SVOPL: variants seen among roughly 807,000 people sequenced by gnomAD.
The protein encoded by SVOPL is SVOP like, also known as putative transporter SVOPL.
SVOPL carries 60 observed loss-of-function variants against 61.0 expected under a neutral mutation model. The observed-to-expected ratio is 0.98, with a 90% CI of 0.80 to 1.22. The LOEUF is 1.22. Among genes scored for constraint, SVOPL ranks in the 50% most tolerant of loss-of-function variants. The probability of loss-of-function intolerance (pLI) is 0.00; values close to 1 mark genes in which losing one functional copy is unlikely to be tolerated. For synonymous variants in SVOPL, 279 were observed against 250.0 expected, an observed-to-expected ratio of 1.12 and a Z score of -1.09; for missense variants, 662 against 643.9, an observed-to-expected ratio of 1.03 and a Z score of -0.30.
At chr7:138,640,038 G>C (rs1164211958) in intron 9 of SVOPL, among the ~76,000 whole-genome samples, 1 of 151,882 alleles carries the variant, frequency 6.6e-6, no homozygotes, top group Non-Finnish European at 1.5e-5. Context: ...TTACAGGCCT[G>C]AGCTATCTCA....
At chr7:138,668,132 G>C (rs749170457) in intron 4 of SVOPL, among the ~76,000 whole-genome samples, 1 of 152,024 alleles carries the variant, frequency 6.6e-6, no homozygotes, top group African/African-American at 2.4e-5. Context: ...ATCTGATCTT[G>C]TGGCACCCAC....
At chr7:138,680,370 A>G (rs1802671962) in intron 1 of SVOPL, among the ~76,000 whole-genome samples, 1 of 152,108 alleles carries the variant, frequency 6.6e-6, no homozygotes, top group South Asian at 2.1e-4. Context: ...GCAGGTCCCA[A>G]ACTCCTGACC....
intron 1 of SVOPL, among the ~76,000 whole-genome samples, chr7:138,693,557 G>GAA (rs1457346540): frequency 1.0e-5 from 1 of 98,002 alleles, no homozygotes; most frequent in Non-Finnish European, 2.0e-5. Flanking sequence ...AAGAAAGAAA[G>GAA]AAAGAAAGAA....
chr7:138,636,136 G>C (rs1800458345), intron 9 of SVOPL, among the ~76,000 whole-genome samples: 1 of 151,884 alleles, frequency 6.6e-6, no homozygotes, highest in Non-Finnish European at 1.5e-5. Context: ...CACCATGTTG[G>C]TCAGGCTGGT....
intron 9 of SVOPL, among the ~76,000 whole-genome samples, chr7:138,633,728 A>C (rs1287089994): frequency 6.6e-6 from 1 of 152,216 alleles, no homozygotes; most frequent in Non-Finnish European, 1.5e-5. Context: ...TACCTTACCA[A>C]AATACAATGA....
chr7:138,697,871 C>T (rs1050051011), intron 1 of SVOPL, among the ~76,000 whole-genome samples: 1 of 151,718 alleles, frequency 6.6e-6, no homozygotes, highest in African/African-American at 2.4e-5. Context: ...GATTCACAGG[C>T]AAATTGTAGG....
intron 14 of SVOPL, among the ~76,000 whole-genome samples, chr7:138,611,849 G>A (rs1584779116): frequency 5.4e-5 from 4 of 74,558 alleles, no homozygotes; most frequent in East Asian, 4.1e-4. Context: ...CTCCCAAAGT[G>A]CCGAGATTGC....
intron 15 of SVOPL, 143 bp from the exon 16 acceptor site, chr7:138,594,764 T>C: frequency 1.8e-6 from 1 of 544,460 alleles, no homozygotes; most frequent in South Asian, 3.7e-5. Context: ...TACCTTTGTG[T>C]ATCTGAAGAT....
At chr7:138,625,279 T>C (rs1244457386) in intron 13 of SVOPL, 1 of 152,216 alleles carries the variant, frequency 6.6e-6, no homozygotes, top group Non-Finnish European at 1.5e-5. Flanking sequence ...GTTTTTGACA[T>C]GCCAAATCTT....
Position 138,648,451 on chromosome 7 carries a change from T to C in SVOPL, c.660+561A>G, listed in dbSNP as rs1013095994. ...GATGAAACCCCTTCTCTGCTAATAATAGCACTTTGGGAGGCCGAGGCGGGT... is the reference window on the plus strand; with the variant it reads ...GATGAAACCCCTTCTCTGCTAATAACAGCACTTTGGGAGGCCGAGGCGGGT... On this transcript the variant is annotated intron_variant, in intron 8 of 15. Transcript: ENST00000674285. Among the ~76,000 whole-genome samples the C allele has an allele frequency of 7.8e-5, 11 of 141,162 alleles. 1 individual carries two copies. In the Middle Eastern group the frequency reaches 0.012, roughly 156 times the overall value. The allele number at this position is 141,162 out of a possible 152,430, so 92.6% of individuals were successfully genotyped here.
chr7:138,678,612 A>G (rs1031032498), intron 2 of SVOPL, 87 bp from the exon 3 acceptor site: 6 of 1,351,724 alleles, frequency 4.4e-6, no homozygotes, highest in African/African-American at 4.4e-5. Context: ...CCAACCCATT[A>G]TTATAAAAAC....
At chr7:138,624,501 A>C (rs939950221) in intron 13 of SVOPL, among the ~76,000 whole-genome samples, 1 of 152,182 alleles carries the variant, frequency 6.6e-6, no homozygotes, top group Non-Finnish European at 1.5e-5. Flanking sequence ...CAGCTCAAGA[A>C]CAGTACAGAC....
intron 9 of SVOPL, among the ~76,000 whole-genome samples, chr7:138,637,487 G>GATAT (rs1411696983): frequency 0.011 from 217 of 18,930 alleles, 1 homozygote; most frequent in South Asian, 0.069. Context: ...TATAGATATA[G>GATAT]ATAGATATAT....
At chr7:138,654,306 A>G (rs1308263314) in intron 7 of SVOPL, among the ~76,000 whole-genome samples, 1 of 152,196 alleles carries the variant, frequency 6.6e-6, no homozygotes, top group Admixed American at 6.5e-5. Flanking sequence ...AGAAGAGATA[A>G]GATGATGTAT....
At chr7:138,655,571 G>GCACACACA (rs149051889) in intron 7 of SVOPL, among the ~76,000 whole-genome samples, 11 of 148,442 alleles carry the variant, frequency 7.4e-5, no homozygotes, top group Non-Finnish European at 1.5e-5. Context: ...CTACACACAC[G>GCACACACA]CACACACACA....
In SVOPL at chr7:138,669,107, G is replaced by A. The variant is rs188739619; in HGVS notation, c.273+2912C>T. The stretch of plus-strand genomic sequence containing the variant: ...TTGCTCCTTCGCCCTCAAGCACAGG[G>A]AAGGGCTCTCTGCAGTTTCCTTATC... On this transcript the variant is annotated intron_variant, in intron 4 of 15. Transcript: ENST00000674285. Among the ~76,000 whole-genome samples the A allele has an allele frequency of 3.2e-3, 486 of 152,324 alleles. 3 individuals carry two copies. The highest frequency in any genetic ancestry group is 0.011 in the African/African-American group (468 of 41,568).
chr7:138,667,147 C>T (rs1028151874), intron 4 of SVOPL, among the ~76,000 whole-genome samples: 2 of 152,100 alleles, frequency 1.3e-5, no homozygotes, highest in Admixed American at 6.6e-5. Context: ...TAAAACATCT[C>T]GGGACTCCTA....
intron 13 of SVOPL, among the ~76,000 whole-genome samples, chr7:138,622,150 GTATC>G (rs1228398717): frequency 7.0e-4 from 17 of 24,388 alleles, no homozygotes; most frequent in East Asian, 1.4e-3. Context: ...ATCTATCTAT[GTATC>G]TATCTGTCTA....
intron 1 of SVOPL, among the ~76,000 whole-genome samples, chr7:138,688,421 C>T (rs1025272435): frequency 6.6e-6 from 1 of 152,028 alleles, no homozygotes; most frequent in Admixed American, 6.6e-5. Flanking sequence ...AGGCATGCAC[C>T]ACCACACTCG....
Sources: gnomAD v4.1 joint callset for allele counts (sites outside exome capture counted in the v4.1 genomes callset) on GRCh38, gnomAD v4.1.1 for gene constraint, MANE v1.5 for transcripts, NCBI Gene and HGNC (gene_info 2026-07-23, HGNC 2026-07-21) for gene names.